TRMT61B: variants seen among roughly 807,000 people sequenced by gnomAD.
TRMT61B encodes tRNA (adenine(58)-N(1))-methyltransferase, mitochondrial.
Under a neutral mutation model 52.0 loss-of-function variants are expected in TRMT61B, and 56 were observed. That is an observed-to-expected ratio of 1.08 (90% CI 0.87 to 1.35). The LOEUF (loss-of-function observed/expected upper bound fraction) is 1.35, where lower values mean the gene tolerates loss of function less well. TRMT61B is among the 40% of genes most tolerant of loss of function. The probability of loss-of-function intolerance (pLI) is 0.00; values close to 1 mark genes in which losing one functional copy is unlikely to be tolerated. For missense variants in TRMT61B, 650 were observed against 577.9 expected (o/e 1.12, Z -1.28); for synonymous variants, 206 against 220.0 (o/e 0.94, Z 0.56).
intron 1 of TRMT61B, among the ~76,000 whole-genome samples, chr2:28,868,157 C>A (rs1392917230): frequency 6.6e-6 from 1 of 152,124 alleles, no homozygotes; most frequent in Non-Finnish European, 1.5e-5. Flanking sequence ...CTACTAAGAA[C>A]CTTCTAATGG....
chr2:28,858,413 A>G (rs989422776), intron 3 of TRMT61B, among the ~76,000 whole-genome samples: 1 of 151,428 alleles, frequency 6.6e-6, no homozygotes, highest in Non-Finnish European at 1.5e-5. Context: ...ATTTAGCATC[A>G]TTTTGGTTGG....
Position 28,870,240 on chromosome 2 carries a change from C to T in TRMT61B, c.38G>A (p.Cys13Tyr), listed in dbSNP as rs139225663. Residue 13 changes from cysteine to tyrosine, a missense_variant, in exon 1 of 7, where the codon TGC becomes TAC. Coordinates refer to ENST00000306108, the MANE Select transcript of TRMT61B (RefSeq NM_017910.4). ...ATTGGTTCCGAGCCCCTGCCGCAGG[C>T]ACAGCAAGACAGGACCGCGGCACCA... ...MAWCRGPVLL[C>Y]LRQGLGTNSF... is the part of the protein sequence containing the mutation. The T allele has an allele frequency of 1.2e-5, 19 of 1,606,794 alleles. No homozygotes were observed. Among genetic ancestry groups the T allele is most frequent in the East Asian group, 8.9e-5 (4 of 44,850 alleles).
rs754209631 is a variant in TRMT61B at position 28,870,172 on chromosome 2, G to C, written c.106C>G (p.Arg36Gly). ...GGCGAGGACCTGCAACACAGTGACC[G>C]AGCTCCCTCGAAGGGCTCCTGCCCC... ...GLGQEPFEGA[R>G]SLCCRSSPRD... Residue 36 changes from arginine (R) to glycine (G), a missense_variant, in exon 1 of 7, where the codon CGG (arginine) becomes GGG (glycine). Coordinates refer to ENST00000306108, the MANE Select transcript of TRMT61B (RefSeq NM_017910.4). 2 of 1,613,518 alleles carry C rather than the reference G, an allele frequency of 1.2e-6. No individual in the cohort carries two copies. The highest frequency in any genetic ancestry group is 1.1e-5 in the South Asian group (1 of 91,080).
At chr2:28,858,992 T>C (rs1349888649) in intron 3 of TRMT61B, among the ~76,000 whole-genome samples, 13 of 149,674 alleles carry the variant, frequency 8.7e-5, no homozygotes, top group Non-Finnish European at 1.9e-4. Flanking sequence ...CCTCCCAGGT[T>C]CAAGCGATTC....
At chr2:28,853,300 C>T (rs1284254204) in intron 3 of TRMT61B, among the ~76,000 whole-genome samples, 4 of 151,862 alleles carry the variant, frequency 2.6e-5, no homozygotes, top group East Asian at 2.0e-4. Context: ...CTCAGCCTCT[C>T]GAGTAGCTGA....
intron 3 of TRMT61B, among the ~76,000 whole-genome samples, chr2:28,857,935 C>T (rs1669416371): frequency 6.6e-6 from 1 of 152,178 alleles, no homozygotes; most frequent in Non-Finnish European, 1.5e-5. Context: ...CCACCAAACA[C>T]CAAGTCTTTC....
chr2:28,863,700 G>A (rs1292385805), intron 2 of TRMT61B, among the ~76,000 whole-genome samples: 1 of 152,130 alleles, frequency 6.6e-6, no homozygotes, highest in Non-Finnish European at 1.5e-5. Context: ...GTACAGAAAA[G>A]TCAAACAAAA....
intron 5 of TRMT61B, among the ~76,000 whole-genome samples, 193 bp downstream of exon 5, chr2:28,850,879 C>T (rs1187187099): frequency 6.6e-6 from 1 of 152,146 alleles, no homozygotes; most frequent in Admixed American, 6.6e-5. Flanking sequence ...AAGCTCAATT[C>T]TTCAAAGGTA....
chr2:28,868,046 T>G (rs2148154472), intron 1 of TRMT61B, among the ~76,000 whole-genome samples: 1 of 152,260 alleles, frequency 6.6e-6, no homozygotes, highest in South Asian at 2.1e-4. Flanking sequence ...AGCAAGACCT[T>G]GTCTTTAAAC....
chr2:28,863,831 G>C (rs765005984), intron 2 of TRMT61B, among the ~76,000 whole-genome samples: 1 of 152,152 alleles, frequency 6.6e-6, no homozygotes, highest in Non-Finnish European at 1.5e-5. Flanking sequence ...ATTTCTATCT[G>C]TAATCTTTAT....
intron 1 of TRMT61B, 114 bp downstream of exon 1, chr2:28,869,465 C>T: frequency 1.4e-6 from 1 of 706,704 alleles, no homozygotes; most frequent in Non-Finnish European, 2.4e-6. Flanking sequence ...AGCCTGAGTA[C>T]AATAAAAAAT....
At chr2:28,867,295 A>G (rs1669891695) in intron 1 of TRMT61B, among the ~76,000 whole-genome samples, 1 of 151,696 alleles carries the variant, frequency 6.6e-6, no homozygotes, top group Non-Finnish European at 1.5e-5. Flanking sequence ...AGGTCTCCCT[A>G]TGTTGCCCCG....
At chr2:28,868,197 A>C (rs985397932) in intron 1 of TRMT61B, among the ~76,000 whole-genome samples, 5 of 152,158 alleles carry the variant, frequency 3.3e-5, no homozygotes, top group African/African-American at 9.7e-5. Context: ...TAAAATACTC[A>C]AACCACACCT....
rs765655964 is a variant in TRMT61B, at chr2:28,869,924, TCCCTGGTGTGTGGGACCGCACCGG to T, written c.330_353del (p.Arg111_Gly118del). On this transcript the variant is annotated inframe_deletion, in exon 1 of 7. Transcript: ENST00000306108. Reference sequence around the variant, plus strand: ...GCGAGAGCATCGAAGGATCCTCGGATCCCTGGTGTGTGGGACCGCACCGGCCCTGGTCTCCGCTCGAGTCCTCGA... The same window carrying T: ...GCGAGAGCATCGAAGGATCCTCGGATCCCTGGTCTCCGCTCGAGTCCTCGA... The T allele has an allele frequency of 6.2e-7, 1 of 1,613,896 alleles. No individual in the cohort carries two copies. Among genetic ancestry groups the T allele is most frequent in the Non-Finnish European group, 8.5e-7 (1 of 1,179,950 alleles).
At chr2:28,863,362 T>G (rs1395993382) in intron 2 of TRMT61B, among the ~76,000 whole-genome samples, 1 of 148,574 alleles carries the variant, frequency 6.7e-6, no homozygotes, top group Non-Finnish European at 1.5e-5. Flanking sequence ...GTTCCGAGGG[T>G]CAAGGCTGTA....
chr2:28,851,108 C>A lies in TRMT61B; in HGVS notation c.1276G>T (p.Gly426Ter), dbSNP rs1184832361. 6.2e-7 allele frequency: 1 copy of A among 1,610,512 alleles called. No homozygotes were observed. Among genetic ancestry groups the A allele is most frequent in the African/African-American group, 1.3e-5 (1 of 74,822 alleles). The change falls in exon 5 of 7, where the codon GGA becomes TGA. Residue 426 changes from glycine (G) to a stop codon, truncating the protein, a stop_gained. Coordinates refer to ENST00000306108, the MANE Select transcript of TRMT61B (RefSeq NM_017910.4). LOFTEE classifies it high-confidence loss of function. ...TCTTGAAACAGCTCACCTTTAACTC[C>A]AATTTTCTCTTGAGAATCTAGTTGT... Reference protein sequence around the residue: ...DVQLDSQEKIGVKGELFQEDD... With the variant: ...DVQLDSQEKI
chr2:28,851,908 A>C (rs1452604898), intron 4 of TRMT61B, among the ~76,000 whole-genome samples: 2 of 148,864 alleles, frequency 1.3e-5, no homozygotes, highest in Non-Finnish European at 3.0e-5. Context: ...AAAACGAAAA[A>C]AGTTTAAAAA....
chr2:28,855,083 A>T (rs540725614), intron 3 of TRMT61B, among the ~76,000 whole-genome samples: 1 of 152,292 alleles, frequency 6.6e-6, no homozygotes, highest in South Asian at 2.1e-4. Context: ...TGGAGGGAAC[A>T]GCAAATATTT....
In TRMT61B at chr2:28,850,151, A is replaced by G; in HGVS notation, c.*48T>C. Reference sequence around the variant, plus strand: ...GCAGTGATTTTCAATATAAAGTTCTATTTTGATATTTTTCCATCTTCAAGT... The same window carrying G: ...GCAGTGATTTTCAATATAAAGTTCTGTTTTGATATTTTTCCATCTTCAAGT... On this transcript the variant is annotated 3_prime_UTR_variant, in exon 7 of 7. Transcript: ENST00000306108. 6.5e-7 allele frequency: 1 copy of G among 1,541,352 alleles called. No homozygotes were observed. The highest frequency in any genetic ancestry group is 8.9e-7 in the Non-Finnish European group (1 of 1,123,580).
Sources: gnomAD v4.1 joint callset for allele counts (sites outside exome capture counted in the v4.1 genomes callset) on GRCh38, gnomAD v4.1.1 for gene constraint, MANE v1.5 for transcripts, NCBI Gene and HGNC (gene_info 2026-07-23, HGNC 2026-07-21) for gene names.